The following HRH3 variants were observed in gnomAD, a reference collection of about 807,000 sequenced individuals.
HRH3 encodes the protein histamine H3 receptor.
A neutral mutation model predicts 21.6 loss-of-function variants in HRH3; 13 were observed. The observed-to-expected ratio is 0.60, with a 90% CI of 0.39 to 0.96. The LOEUF (loss-of-function observed/expected upper bound fraction) is 0.96. HRH3 is among the 40% of genes least tolerant of loss of function. The pLI is 0.00. For synonymous variants in HRH3, 276 were observed against 290.3 expected (o/e 0.95, Z 0.50); for missense variants, 461 against 622.7 (o/e 0.74, Z 2.76).
Position 62,216,357 on chromosome 20 carries a change from G to A in HRH3, c.987C>T (p.Ser329=), listed in dbSNP as rs1165649120. ...TCATGCGCTTCTCCAGCGAGGCCGA[G>A]GACGCCGACGGCTTGGAGCCCCTCT... ...SLKRGSKPSA[S]SASLEKRMKM... Residue 329 remains serine (S), a synonymous_variant, in exon 3 of 3, where the codon TCC becomes TCT. Coordinates refer to ENST00000340177, the MANE Select transcript of HRH3 (RefSeq NM_007232.3). The A allele has an allele frequency of 4.4e-6, 7 of 1,580,640 alleles. No individual in the cohort carries two copies. The highest frequency in any genetic ancestry group is 1.3e-5 in the African/African-American group (1 of 74,164).
chr20:62,216,516 C>T lies in HRH3; in HGVS notation c.828G>A (p.Gly276=), dbSNP rs1385547096. The part of the protein sequence containing the change: ...HGEAMPLHRY[G]VGEAAVGAEA... ...CAGCGCCTACGGCCGCCTCACCCAC[C>T]CCATACCTGTGCAGCGGCATGGCCT... is the stretch of plus-strand genomic sequence containing the variant. Residue 276 remains glycine (G), a synonymous_variant, in exon 3 of 3, where the codon GGG becomes GGA. Transcript: ENST00000340177. The T allele has an allele frequency of 6.3e-7, 1 of 1,596,088 alleles. No homozygotes were observed. Among genetic ancestry groups the T allele is most frequent in the Non-Finnish European group, 8.5e-7 (1 of 1,172,922 alleles).
In HRH3 at chr20:62,215,251, C is replaced by T; in HGVS notation, c.*755G>A. ...AGCCCAGAGGCGGGGTGGGCAGAAG[C>T]AGCTGGCACAGCTCAGCCGGAAGCC... On this transcript the variant is annotated 3_prime_UTR_variant, in exon 3 of 3. Transcript: ENST00000340177. 1 of 433,896 alleles carries T rather than the reference C, an allele frequency of 2.3e-6. No homozygotes were observed. 26.9% of individuals were successfully genotyped at this position (433,896 alleles called of 1,614,324 possible).
Position 62,215,117 on chromosome 20 carries a change from G to A in HRH3, c.*889C>T, listed in dbSNP as rs1396569918. ...CACCTCCTCTGGACCGCCCCTGCAC[G>A]CCTTGGGACCCTCGGGCCCAGCCGG... is the stretch of plus-strand genomic sequence containing the variant. On this transcript the variant is annotated 3_prime_UTR_variant, in exon 3 of 3. Coordinates refer to ENST00000340177, the MANE Select transcript of HRH3 (RefSeq NM_007232.3). 2.6e-5 allele frequency: 9 copies of A among 351,938 alleles called. No homozygotes were observed. The highest frequency in any genetic ancestry group is 3.9e-5 in the Non-Finnish European group (7 of 178,272). 21.8% of individuals were successfully genotyped at this position (351,938 alleles called of 1,614,324 possible). A position where few individuals can be genotyped will look rare whatever the true frequency, so the allele number is the denominator to read the frequency against.
intron 2 of HRH3, among the ~76,000 whole-genome samples, chr20:62,217,131 T>C (rs1384787452): frequency 1.3e-5 from 2 of 151,874 alleles, no homozygotes; most frequent in East Asian, 1.9e-4. Flanking sequence ...CCACACTCAG[T>C]GAGAGCCTCA....
Position 62,215,922 on chromosome 20 carries a change from G to A in HRH3, c.*84C>T, listed in dbSNP as rs201882576. Reference sequence around the variant, plus strand: ...CGGCGGGGCTCACCCCTGGGGGAACGAGCCGGGTAGGGGGCAGCAGGGCCA... The same window carrying A: ...CGGCGGGGCTCACCCCTGGGGGAACAAGCCGGGTAGGGGGCAGCAGGGCCA... On this transcript the variant is annotated 3_prime_UTR_variant, in exon 3 of 3. Transcript: ENST00000340177. 242 of 1,334,752 alleles carry A rather than the reference G, an allele frequency of 1.8e-4. No homozygotes were observed. The highest frequency in any genetic ancestry group is 2.3e-4 in the Non-Finnish European group (225 of 995,882). 82.7% of individuals were successfully genotyped at this position (1,334,752 alleles called of 1,614,324 possible). A position where few individuals can be genotyped will look rare whatever the true frequency, so the allele number is the denominator to read the frequency against.
In HRH3 at chr20:62,216,367, G is replaced by A. The variant is rs1355818222; in HGVS notation, c.977C>T (p.Pro326Leu). The A allele has an allele frequency of 4.5e-6, 7 of 1,570,470 alleles. No homozygotes were observed. Among genetic ancestry groups the A allele is most frequent in the African/African-American group, 2.7e-5 (2 of 73,900 alleles). Reference sequence around the variant, plus strand: ...CTCCAGCGAGGCCGAGGACGCCGACGGCTTGGAGCCCCTCTTGAGTGAGCG... The same window carrying A: ...CTCCAGCGAGGCCGAGGACGCCGACAGCTTGGAGCCCCTCTTGAGTGAGCG... ...RPRSLKRGSK[P>L]SASSASLEKR... Residue 326 changes from proline (P) to leucine (L), a missense_variant, in exon 3 of 3, where the codon CCG (proline) becomes CTG (leucine). Transcript: ENST00000340177.
chr20:62,215,079 G>GC lies in HRH3; in HGVS notation c.*926dup. On this transcript the variant is annotated 3_prime_UTR_variant, in exon 3 of 3. Coordinates refer to ENST00000340177, the MANE Select transcript of HRH3 (RefSeq NM_007232.3). ...CGGGTGCACAGCACATGGCGAAGCG[G>GC]CCCCTGCCCGGGCACCTCCTCTGGA... The GC allele has an allele frequency of 3.0e-6, 1 of 330,644 alleles. No homozygotes were observed. Among genetic ancestry groups the GC allele is most frequent in the Non-Finnish European group, 6.0e-6 (1 of 166,224 alleles). 20.5% of individuals were successfully genotyped at this position (330,644 alleles called of 1,614,324 possible).
Position 62,218,421 on chromosome 20 carries a change from C to T in HRH3, c.417+70G>A. 6.5e-7 allele frequency: 1 copy of T among 1,533,586 alleles called. No individual in the cohort carries two copies. The highest frequency in any genetic ancestry group is 8.8e-7 in the Non-Finnish European group (1 of 1,136,858). 95.0% of individuals were successfully genotyped at this position (1,533,586 alleles called of 1,614,324 possible). On this transcript the variant is annotated intron_variant, in intron 2 of 2. Transcript: ENST00000340177. This position sits in a 1 kb window ranked among gnomAD's most constrained non-coding sequence, Gnocchi z 5.6. ...ACAACTCAGAAGTGGCCGTCCCCAC[C>T]CAGGTGCCTCCCATGGGCGTCCCGA...
chr20:62,216,756 C>G lies in HRH3; in HGVS notation c.588G>C (p.Trp196Cys). ...GGGTGGAAGCCGTGATGAGGAAGTA[C>G]CAGTTGTAGAAGAACTCGGCATAGC... The part of the protein sequence containing the change: ...GHCYAEFFYN[W>C]YFLITASTLE... Residue 196 changes from tryptophan (W) to cysteine (C), a missense_variant, in exon 3 of 3, where the codon TGG becomes TGC. Transcript: ENST00000340177. The G allele has an allele frequency of 6.2e-7, 1 of 1,613,262 alleles. No homozygotes were observed. Among genetic ancestry groups the G allele is most frequent in the Non-Finnish European group, 8.5e-7 (1 of 1,179,998 alleles).
Position 62,215,971 on chromosome 20 carries a change from G to C in HRH3, c.*35C>G. 1 of 1,525,426 alleles carries C rather than the reference G, an allele frequency of 6.6e-7. No individual in the cohort carries two copies. Among genetic ancestry groups the C allele is most frequent in the Admixed American group, 2.0e-5 (1 of 49,818 alleles). 94.5% of individuals were successfully genotyped at this position (1,525,426 alleles called of 1,614,324 possible). A position where few individuals can be genotyped will look rare whatever the true frequency, so the allele number is the denominator to read the frequency against. On this transcript the variant is annotated 3_prime_UTR_variant, in exon 3 of 3. Transcript: ENST00000340177. ...CAGATGCCCAGGAGACCTGGGCTGA[G>C]AGAGGCGTGGCTGAGGGAGGCTCTG...
Position 62,216,453 on chromosome 20 carries a change from G to A in HRH3, c.891C>T (p.Gly297=), listed in dbSNP as rs772752067. 9.4e-5 allele frequency: 144 copies of A among 1,537,844 alleles called. No homozygotes were observed. The Admixed American group carries it at 1.1e-3, about 12-fold the overall frequency. Residue 297 remains glycine (G), a synonymous_variant, in exon 3 of 3, where the codon GGC becomes GGT. Transcript: ENST00000340177. The part of the protein sequence containing the change: ...GEATLGGGGG[G]GSVASPTSSS... ...TGGAGGTGGGTGAAGCCACGGAGCC[G>A]CCCCCACCGCCACCCCCGAGGGTCG...
chr20:62,215,822 G>C lies in HRH3; in HGVS notation c.*184C>G. On this transcript the variant is annotated 3_prime_UTR_variant, in exon 3 of 3. Coordinates refer to ENST00000340177, the MANE Select transcript of HRH3 (RefSeq NM_007232.3). ...CCCAGCCTCCAGTCCAGCCAGTGAG[G>C]GGCCCTCTGGCCAACCCAGGAAGGC... is the stretch of plus-strand genomic sequence containing the variant. The C allele has an allele frequency of 1.6e-6, 1 of 631,286 alleles. No homozygotes were observed. Among genetic ancestry groups the C allele is most frequent in the Admixed American group, 3.0e-5 (1 of 33,702 alleles). 39.1% of individuals were successfully genotyped at this position (631,286 alleles called of 1,614,324 possible).
intron 2 of HRH3, among the ~76,000 whole-genome samples, chr20:62,217,559 T>G (rs1296434992): frequency 6.6e-6 from 1 of 151,868 alleles, no homozygotes. Flanking sequence ...AACCAGCTGG[T>G]GGGGGCAGGG....
Position 62,216,229 on chromosome 20 carries a change from G to C in HRH3, c.1115C>G (p.Ala372Gly). The C allele has an allele frequency of 6.2e-7, 1 of 1,612,894 alleles. No homozygotes were observed. The highest frequency in any genetic ancestry group is 8.5e-7 in the Non-Finnish European group (1 of 1,179,898). ...VIVSIFGLCW[A>G]PYTLLMIIRA... is the part of the protein sequence containing the mutation. Reference sequence around the variant, plus strand: ...GATGATCATCAGCAGCGTGTATGGGGCCCAGCAGAGCCCAAAGATGCTCAC... The same window carrying C: ...GATGATCATCAGCAGCGTGTATGGGCCCCAGCAGAGCCCAAAGATGCTCAC... Residue 372 changes from alanine to glycine, a missense_variant, in exon 3 of 3, where the codon GCC (alanine) becomes GGC (glycine). Around this residue, in one of 6 missense-constraint regions of HRH3, gnomAD observed 102 missense variants for 166.6 expected, o/e 0.61. Transcript: ENST00000340177.
rs1047024172 is a variant in HRH3 at position 62,219,579 on chromosome 20, G to C, written c.250+142C>G. ...TTCGCCTGTGCCCCCCACCCCATGG[G>C]CTCCGGACGCCCCCTTCCCAGGCCG... On this transcript the variant is annotated intron_variant, in intron 1 of 2. Coordinates refer to ENST00000340177, the MANE Select transcript of HRH3 (RefSeq NM_007232.3). The surrounding 1 kb of genome is among the most constrained non-coding windows in gnomAD (Gnocchi z 8.7). The C allele has an allele frequency of 9.4e-7, 1 of 1,063,244 alleles. No individual in the cohort carries two copies. Among genetic ancestry groups the C allele is most frequent in the Non-Finnish European group, 1.3e-6 (1 of 771,702 alleles). The allele number at this position is 1,063,244 out of a possible 1,614,324, so 65.9% of individuals were successfully genotyped here.
In HRH3 at chr20:62,218,762, T is replaced by C; in HGVS notation, c.251-105A>G. ...ACCTGGGGTCACATGGTGGCTGCTT[T>C]TCTGGAACTAGCCATCCTCATCTTA... is the stretch of plus-strand genomic sequence containing the variant. On this transcript the variant is annotated intron_variant, in intron 1 of 2. Transcript: ENST00000340177. The surrounding 1 kb of genome is among the most constrained non-coding windows in gnomAD (Gnocchi z 5.6). 1 of 1,103,622 alleles carries C rather than the reference T, an allele frequency of 9.1e-7. No homozygotes were observed. 68.4% of individuals were successfully genotyped at this position (1,103,622 alleles called of 1,614,324 possible). A position where few individuals can be genotyped will look rare whatever the true frequency, so the allele number is the denominator to read the frequency against.
intron 2 of HRH3, 31 bp from the exon 3 acceptor site, chr20:62,216,957 G>C: frequency 6.4e-7 from 1 of 1,557,966 alleles, no homozygotes; most frequent in Non-Finnish European, 8.7e-7. Context: ...CAGGGGCGGG[G>C]CGGAAGGAAT....
Position 62,216,892 on chromosome 20 carries a change from C to T in HRH3, c.452G>A (p.Arg151Gln), listed in dbSNP as rs751987866. 14 of 1,608,778 alleles carry T rather than the reference C, an allele frequency of 8.7e-6. No individual in the cohort carries two copies. Among genetic ancestry groups the T allele is most frequent in the Middle Eastern group, 1.7e-4 (1 of 5,918 alleles). Residue 151 changes from arginine to glutamine, a missense_variant, in exon 3 of 3, where the codon CGG (arginine) becomes CAG (glutamine). Arg to Gln is a conservative substitution (Grantham distance 43). Coordinates refer to ENST00000340177, the MANE Select transcript of HRH3 (RefSeq NM_007232.3). ...CACCAGCAGCATCTTCCGCACTGCC[C>T]GCCGCGTGTCACCCTGCTGGGCCCG... Reference protein sequence around the residue: ...SYRAQQGDTRRAVRKMLLVWV... With the variant: ...SYRAQQGDTRQAVRKMLLVWV...
At chr20:62,216,954 G>A (rs554386965) in intron 2 of HRH3, 28 bp from the exon 3 acceptor site, 112 of 1,560,694 alleles carry the variant, frequency 7.2e-5, no homozygotes, top group South Asian at 1.1e-4. Flanking sequence ...GGTCAGGGGC[G>A]GGGCGGAAGG....
Sources: gnomAD v4.1 joint callset for allele counts (sites outside exome capture counted in the v4.1 genomes callset) on GRCh38, gnomAD v4.1.1 for gene constraint, gnomAD v4.1.1 regional missense constraint, Gnocchi (gnomAD v3.1) non-coding constraint, MANE v1.5 for transcripts, NCBI Gene and HGNC (gene_info 2026-07-23, HGNC 2026-07-21) for gene names.